The following TRAIP variants were observed in gnomAD, a reference collection of about 807,000 sequenced individuals.
The protein encoded by TRAIP is TRAF interacting protein.
A neutral mutation model predicts 65.0 loss-of-function variants in TRAIP; 37 were observed. The observed-to-expected ratio is 0.57, with a 90% CI of 0.44 to 0.75. TRAIP has a LOEUF of 0.75. Ranked by LOEUF, TRAIP falls within the 30% of genes least tolerant of loss-of-function variation. The probability of loss-of-function intolerance (pLI) is 0.00; values close to 1 mark genes in which losing one functional copy is unlikely to be tolerated. For synonymous variants in TRAIP, 187 were observed against 219.1 expected (o/e 0.85, Z 1.29); for missense variants, 481 against 579.4 (o/e 0.83, Z 1.74).
intron 1 of TRAIP, among the ~76,000 whole-genome samples, chr3:49,850,026 T>C (rs2081917655): frequency 6.6e-6 from 1 of 151,444 alleles, no homozygotes; most frequent in South Asian, 2.1e-4. Flanking sequence ...TTCCCATAAG[T>C]TTTCAAATAC....
At chr3:49,830,734 C>T (rs1219076721) in intron 11 of TRAIP, among the ~76,000 whole-genome samples, 1 of 152,214 alleles carries the variant, frequency 6.6e-6, no homozygotes, top group African/African-American at 2.4e-5. Context: ...GGCATTTTCC[C>T]TGGTGGGTGA....
intron 1 of TRAIP, among the ~76,000 whole-genome samples, chr3:49,855,682 T>C (rs2081964289): frequency 6.6e-6 from 1 of 152,176 alleles, no homozygotes; most frequent in South Asian, 2.1e-4. Context: ...CTAGGGCCTT[T>C]AGCCCCACAA....
At chr3:49,841,354 A>T (rs2081837714) in intron 7 of TRAIP, among the ~76,000 whole-genome samples, 1 of 152,212 alleles carries the variant, frequency 6.6e-6, no homozygotes, top group Admixed American at 6.5e-5. Context: ...ACCTGGTCTT[A>T]AAGGAGGCAT....
At chr3:49,848,103 G>C in intron 2 of TRAIP, 40 bp downstream of exon 2, 3 of 1,607,854 alleles carry the variant, frequency 1.9e-6, no homozygotes, top group Non-Finnish European at 2.6e-6. Context: ...CTGCTAAGGA[G>C]ATCTCTTCAG....
chr3:49,844,054 C>T (rs1253366804), intron 4 of TRAIP, 126 bp from the exon 5 acceptor site: 2 of 1,331,376 alleles, frequency 1.5e-6, no homozygotes, highest in Non-Finnish European at 2.0e-6. Flanking sequence ...GGCCTGAAAG[C>T]TGGGTGGCCC....
chr3:49,846,848 G>A (rs2081887000), intron 3 of TRAIP, among the ~76,000 whole-genome samples: 1 of 152,120 alleles, frequency 6.6e-6, no homozygotes, highest in African/African-American at 2.4e-5. Flanking sequence ...AGACCAGCCT[G>A]GGTAACATAG....
At chr3:49,832,908 C>T (rs2081748925) in intron 10 of TRAIP, among the ~76,000 whole-genome samples, 2 of 152,146 alleles carry the variant, frequency 1.3e-5, no homozygotes, top group Admixed American at 1.3e-4. Flanking sequence ...CACAATCCCA[C>T]TTCCACTGGG....
At position 49,829,107 on chromosome 3, in the gene TRAIP, G is replaced by T; in HGVS notation, c.1406C>A (p.Ser469Ter). The T allele has an allele frequency of 6.2e-7, 1 of 1,614,148 alleles. No homozygotes were observed. The highest frequency in any genetic ancestry group is 1.1e-5 in the South Asian group (1 of 91,052). Reference protein sequence around the residue: ...FQAKLDTFLWS With the variant: ...FQAKLDTFLW The stretch of plus-strand genomic sequence containing the variant: ...CATTGGTCAGACTCACTGTTCTCAC[G>T]ACCACAGGAAGGTGTCCAGCTTGGC... Residue 469 changes from serine to a stop codon, truncating the protein, a stop_gained, in exon 15 of 15, where the codon TCG (serine) becomes TAG (stop). Transcript: ENST00000331456. LOFTEE classifies it high-confidence loss of function.
chr3:49,839,907 A>G (rs1430014746), intron 9 of TRAIP, 47 bp from the exon 10 acceptor site: 1 of 1,575,508 alleles, frequency 6.3e-7, no homozygotes, highest in Admixed American at 1.7e-5. Context: ...TGAGGCATCA[A>G]GTCCGGAGAT....
chr3:49,855,210 G>A (rs1292223319), intron 1 of TRAIP, among the ~76,000 whole-genome samples: 1 of 152,220 alleles, frequency 6.6e-6, no homozygotes, highest in Non-Finnish European at 1.5e-5. Context: ...AGCACTTTGA[G>A]AGGCCAAGGT....
intron 1 of TRAIP, among the ~76,000 whole-genome samples, chr3:49,853,067 AG>A (rs2081946906): frequency 1.3e-5 from 2 of 151,526 alleles, no homozygotes; most frequent in African/African-American, 4.8e-5. Flanking sequence ...GGTTGCAGTG[AG>A]TTGAGATTGT....
At chr3:49,847,999 G>A in intron 2 of TRAIP, 144 bp downstream of exon 2, 2 of 869,268 alleles carry the variant, frequency 2.3e-6, no homozygotes, top group Non-Finnish European at 3.6e-6. Context: ...AAACACTCAA[G>A]GGCACAAGTG....
chr3:49,843,926 T>C lies in TRAIP; in HGVS notation c.283A>G (p.Lys95Glu), dbSNP rs146848470. 1.1e-5 allele frequency: 17 copies of C among 1,607,762 alleles called. No homozygotes were observed. The South Asian group carries it at 1.5e-4, about 15-fold the overall frequency. ...ATGACCTGGCTGTCTCGTTTCTCCTTGTCTGGAGCAGGGGTAGAGGGCGGA... is the reference window on the plus strand; with the variant it reads ...ATGACCTGGCTGTCTCGTTTCTCCTCGTCTGGAGCAGGGGTAGAGGGCGGA... ...NVRAQLSQKDKEKRDSQVIID... is the reference protein window; with the variant it reads ...NVRAQLSQKDEEKRDSQVIID... The change falls in exon 5 of 15, where the codon AAG (lysine) becomes GAG (glutamate). Residue 95 changes from lysine to glutamate, a missense_variant and splice_region_variant. Lys to Glu is a moderately conservative substitution (Grantham distance 56). Transcript: ENST00000331456.
In TRAIP at chr3:49,841,016, A is replaced by G. The variant is rs754207318; in HGVS notation, c.674T>C (p.Leu225Pro). 3 of 1,614,076 alleles carry G rather than the reference A, an allele frequency of 1.9e-6. No individual in the cohort carries two copies. The change falls in exon 8 of 15, where the codon CTG becomes CCG. Residue 225 changes from leucine to proline, a missense_variant. By Grantham distance (98) the Leu-to-Pro change is moderately conservative. Coordinates refer to ENST00000331456, the MANE Select transcript of TRAIP (RefSeq NM_005879.3). ...TCTGGAGGAAAACAAATCCTTCCTC[A>G]GCTTGTCAGCCACCTCCCCTGAGGC... ...RKASGEVADK[L>P]RKDLFSSRSK...
intron 3 of TRAIP, 145 bp from the exon 4 acceptor site, chr3:49,844,725 G>A: frequency 2.4e-6 from 2 of 828,474 alleles, no homozygotes; most frequent in African/African-American, 1.7e-5. Context: ...GCCAAGCTAA[G>A]CTAACAATGG....
intron 1 of TRAIP, among the ~76,000 whole-genome samples, chr3:49,854,902 C>T (rs1302322457): frequency 1.5e-5 from 2 of 131,750 alleles, no homozygotes; most frequent in African/African-American, 5.6e-5. Context: ...ACTAAAAATA[C>T]AAAAAAAAAA....
At chr3:49,848,086 C>T in intron 2 of TRAIP, 57 bp downstream of exon 2, 1 of 1,593,514 alleles carries the variant, frequency 6.3e-7, no homozygotes, top group Non-Finnish European at 8.6e-7. Context: ...TTTCACATTC[C>T]TGCTCTCTGC....
At chr3:49,854,936 C>T (rs1009755324) in intron 1 of TRAIP, among the ~76,000 whole-genome samples, 15 of 151,054 alleles carry the variant, frequency 9.9e-5, no homozygotes, top group Admixed American at 6.6e-4. Flanking sequence ...TGGTGGCAGG[C>T]GCCTGTAGTC....
chr3:49,836,264 G>C (rs1382216181), intron 10 of TRAIP, among the ~76,000 whole-genome samples: 1 of 152,124 alleles, frequency 6.6e-6, no homozygotes, highest in African/African-American at 2.4e-5. Flanking sequence ...GCCGAGGTGG[G>C]AAGATCACTT....
Sources: gnomAD v4.1 joint callset for allele counts (sites outside exome capture counted in the v4.1 genomes callset) on GRCh38, gnomAD v4.1.1 for gene constraint, MANE v1.5 for transcripts, NCBI Gene and HGNC (gene_info 2026-07-23, HGNC 2026-07-21) for gene names.